FBXL14: variants seen among roughly 807,000 people sequenced by gnomAD.
FBXL14 encodes the protein F-box/LRR-repeat protein 14.
A neutral mutation model predicts 24.5 loss-of-function variants in FBXL14; 11 were observed. That is an observed-to-expected ratio of 0.45 (90% CI 0.28 to 0.74). The LOEUF (loss-of-function observed/expected upper bound fraction) is 0.74, where lower values mean the gene tolerates loss of function less well. FBXL14 is among the 30% of genes least tolerant of loss of function. The pLI is 0.12. For synonymous variants in FBXL14, 294 were observed against 240.4 expected (o/e 1.22, Z -2.06); for missense variants, 384 against 545.6 (o/e 0.70, Z 2.95).
At chr12:1,578,200 TAG>T (rs889471037) in intron 1 of FBXL14, among the ~76,000 whole-genome samples, 2 of 152,230 alleles carry the variant, frequency 1.3e-5, no homozygotes, top group Non-Finnish European at 2.9e-5. Flanking sequence ...CTACCTCTAA[TAG>T]AGAGTCTGAA....
chr12:1,577,349 G>A (rs2094457912), intron 1 of FBXL14, among the ~76,000 whole-genome samples: 2 of 151,948 alleles, frequency 1.3e-5, no homozygotes, highest in African/African-American at 4.8e-5. Flanking sequence ...AGGGCAGTGG[G>A]GTCAGGTGAA....
chr12:1,576,098 C>G (rs930787327), intron 1 of FBXL14, among the ~76,000 whole-genome samples: 1 of 152,150 alleles, frequency 6.6e-6, no homozygotes, highest in Non-Finnish European at 1.5e-5. Flanking sequence ...TCCTTTTCTT[C>G]CCACAAACGC....
At chr12:1,590,655 G>A (rs569427651) in intron 1 of FBXL14, among the ~76,000 whole-genome samples, 18 of 152,240 alleles carry the variant, frequency 1.2e-4, no homozygotes, top group Middle Eastern at 3.4e-3. Flanking sequence ...TGGATCCAGC[G>A]GCCAGCCTCG....
Position 1,569,184 on chromosome 12 carries a change from T to C in FBXL14, c.1195-2374A>G, listed in dbSNP as rs1175353756. On this transcript the variant is annotated intron_variant, in intron 1 of 1. Coordinates refer to ENST00000339235, the MANE Select transcript of FBXL14 (RefSeq NM_152441.3). The surrounding 1 kb of genome is among the most constrained non-coding windows in gnomAD (Gnocchi z 4.2). ...CAATGCTTGTTTTGCTTCTCTTTTT[T>C]CTCCTTTTCATTTTCCTTTCCAGGT... is the stretch of plus-strand genomic sequence containing the variant. Among the ~76,000 whole-genome samples the C allele has an allele frequency of 6.6e-6, 1 of 152,126 alleles. No individual in the cohort carries two copies. The highest frequency in any genetic ancestry group is 1.5e-5 in the Non-Finnish European group (1 of 68,008).
At chr12:1,582,116 T>C (rs2094467454) in intron 1 of FBXL14, among the ~76,000 whole-genome samples, 1 of 137,324 alleles carries the variant, frequency 7.3e-6, no homozygotes, top group Non-Finnish European at 1.5e-5. Context: ...ACAGAGTGAC[T>C]CTGTCGAAAG....
chr12:1,588,032 A>G (rs1230071475), intron 1 of FBXL14, among the ~76,000 whole-genome samples: 6 of 152,216 alleles, frequency 3.9e-5, no homozygotes, highest in Non-Finnish European at 8.8e-5. Flanking sequence ...ATGACTTACT[A>G]TAGTCCCTCC....
intron 1 of FBXL14, among the ~76,000 whole-genome samples, chr12:1,573,990 A>C (rs972079743): frequency 4.1e-4 from 62 of 150,956 alleles, no homozygotes; most frequent in Non-Finnish European, 8.7e-4. Flanking sequence ...GGGCAACAAG[A>C]GCGAAACTCC....
intron 1 of FBXL14, among the ~76,000 whole-genome samples, chr12:1,583,667 A>G (rs2094471238): frequency 1.3e-5 from 2 of 152,210 alleles, no homozygotes. Context: ...GCTGCCACCT[A>G]CTGACAAGAC....
chr12:1,575,407 T>C (rs1308967138), intron 1 of FBXL14, among the ~76,000 whole-genome samples: 1 of 152,232 alleles, frequency 6.6e-6, no homozygotes, highest in Non-Finnish European at 1.5e-5. Flanking sequence ...GTTTTGAATA[T>C]TCCGTATTCC....
rs75867519 is a variant in FBXL14 at position 1,592,064 on chromosome 12, G to A, written c.1194+809C>T. On this transcript the variant is annotated intron_variant, in intron 1 of 1. Coordinates refer to ENST00000339235, the MANE Select transcript of FBXL14 (RefSeq NM_152441.3). ...TGGGAAGAAGCCAACACAAAAAGAC[G>A]GACAAACCCAAGGGCATCTTTCCAG... is the stretch of plus-strand genomic sequence containing the variant. Among the ~76,000 whole-genome samples the A allele has an allele frequency of 7.1e-3, 1,075 of 151,806 alleles. 11 individuals carry two copies. Among genetic ancestry groups the A allele is most frequent in the African/African-American group, 0.025 (1,035 of 41,398 alleles).
Position 1,593,989 on chromosome 12 carries a change from C to T in FBXL14, c.78G>A (p.Gly26=), listed in dbSNP as rs764407283. The T allele has an allele frequency of 8.2e-6, 13 of 1,584,552 alleles. No homozygotes were observed. In the East Asian group the frequency reaches 2.5e-4, roughly 30 times the overall value. The change falls in exon 1 of 2, where the codon GGG becomes GGA. Residue 26 remains glycine, a synonymous_variant. Transcript: ENST00000339235. This position sits in a 1 kb window ranked among gnomAD's most constrained non-coding sequence, Gnocchi z 7.4. ...AGGCGGTGCACACCTGCGCCGCGCG[C>T]CCCTTGTCCCGGACGTCCAGGTAGC... ...IFGYLDVRDK[G]RAAQVCTAWR...
At chr12:1,582,253 AAAAG>A (rs1362743879) in intron 1 of FBXL14, among the ~76,000 whole-genome samples, 1 of 152,176 alleles carries the variant, frequency 6.6e-6, no homozygotes, top group Non-Finnish European at 1.5e-5. Context: ...AAAAGAAAAG[AAAAG>A]AAAGAGAAAG....
chr12:1,591,310 C>G (rs2094489129), intron 1 of FBXL14, among the ~76,000 whole-genome samples: 2 of 149,288 alleles, frequency 1.3e-5, no homozygotes, highest in Non-Finnish European at 3.0e-5. Flanking sequence ...CCCAAGCACA[C>G]AATGCCTTAA....
At chr12:1,582,157 AAAGGAAAG>A (rs1190387491) in intron 1 of FBXL14, among the ~76,000 whole-genome samples, 1 of 149,724 alleles carries the variant, frequency 6.7e-6, no homozygotes, top group African/African-American at 2.5e-5. Flanking sequence ...GGAAGGAAGG[AAAGGAAAG>A]AAGGAAAAGA....
chr12:1,584,980 CAT>C (rs769747280), intron 1 of FBXL14, among the ~76,000 whole-genome samples: 3 of 152,248 alleles, frequency 2.0e-5, no homozygotes, highest in South Asian at 2.1e-4. Flanking sequence ...TTACTTTACT[CAT>C]GTGTCCAATT....
intron 1 of FBXL14, among the ~76,000 whole-genome samples, chr12:1,586,275 CT>C (rs1333147075): frequency 2.6e-5 from 4 of 151,088 alleles, no homozygotes; most frequent in African/African-American, 9.8e-5. Flanking sequence ...AGAAAGATCC[CT>C]TGAGCCCAGA....
chr12:1,568,426 G>A (rs1297867376), intron 1 of FBXL14, among the ~76,000 whole-genome samples: 1 of 152,164 alleles, frequency 6.6e-6, no homozygotes, highest in Non-Finnish European at 1.5e-5. Flanking sequence ...TCTTTAGAGA[G>A]AAAGAAAATG....
Position 1,567,881 on chromosome 12 carries a change from G to A in FBXL14, c.1195-1071C>T, listed in dbSNP as rs562535311. Among the ~76,000 whole-genome samples the A allele has an allele frequency of 6.6e-5, 10 of 152,250 alleles. No individual in the cohort carries two copies. The highest frequency in any genetic ancestry group is 1.0e-4 in the Non-Finnish European group (7 of 67,998). On this transcript the variant is annotated intron_variant, in intron 1 of 1. Coordinates refer to ENST00000339235, the MANE Select transcript of FBXL14 (RefSeq NM_152441.3). This position sits in a 1 kb window ranked among gnomAD's most constrained non-coding sequence, Gnocchi z 4.8. ...AAGGGAAAAGAAAACCCACCCACACGCACACGCGCGCACACACGTGCGCAC... is the reference window on the plus strand; with the variant it reads ...AAGGGAAAAGAAAACCCACCCACACACACACGCGCGCACACACGTGCGCAC...
At chr12:1,581,972 A>G (rs542574818) in intron 1 of FBXL14, among the ~76,000 whole-genome samples, 3 of 152,266 alleles carry the variant, frequency 2.0e-5, no homozygotes, top group African/African-American at 7.2e-5. Flanking sequence ...TAAAAAATAC[A>G]AAAATTAGCC....
Sources: allele counts gnomAD v4.1 joint callset (sites outside exome capture counted in the v4.1 genomes callset), GRCh38; gene constraint gnomAD v4.1.1; non-coding constraint Gnocchi (gnomAD v3.1); transcripts MANE v1.5; gene names NCBI Gene and HGNC (gene_info 2026-07-23, HGNC 2026-07-21).